ZC3H12B: variants seen among roughly 807,000 people sequenced by gnomAD.
The protein encoded by ZC3H12B is zinc finger CCCH-type containing 12B, also known as probable ribonuclease ZC3H12B.
A neutral mutation model predicts 43.9 loss-of-function variants in ZC3H12B; 7 were observed. The ratio of observed to expected loss-of-function variants is 0.16; its 90% CI spans 0.09 to 0.30. The LOEUF is 0.30. Among genes scored for constraint, ZC3H12B ranks in the 10% least tolerant of loss-of-function variants. The pLI, the probability that ZC3H12B is intolerant of heterozygous loss-of-function variation, is 1.00. For synonymous variants in ZC3H12B, 222 were observed against 241.7 expected (o/e 0.92, Z 0.76); for missense variants, 475 against 670.2 (o/e 0.71, Z 3.22).
At chrX:65,254,017 C>T in the ZC3H12B span, among the ~76,000 whole-genome samples, 1 of 112,175 alleles carries the variant, frequency 8.9e-6, no homozygotes, top group Non-Finnish European at 1.9e-5. Context: ...CCCTGCTGCA[C>T]CACCACTGCC....
At chrX:65,116,882 G>A in the ZC3H12B span, among the ~76,000 whole-genome samples, 1 of 111,576 alleles carries the variant, frequency 9.0e-6, no homozygotes, top group African/African-American at 3.3e-5. Context: ...CTCTGCAAGG[G>A]ACATACTCAT....
At chrX:65,213,888 A>AT in the ZC3H12B span, among the ~76,000 whole-genome samples, 136 of 105,767 alleles carry the variant, frequency 1.3e-3, 1 homozygote, top group Admixed American at 4.3e-3. Flanking sequence ...GTAAAAAAAA[A>AT]ATATATATAT....
chrX:65,394,594 G>C (rs1484223096), intron 2 of ZC3H12B, among the ~76,000 whole-genome samples: 1 of 111,699 alleles, frequency 9.0e-6, no homozygotes, highest in Non-Finnish European at 1.9e-5. Context: ...ATGCTGTTTT[G>C]GTTACTGTAG....
At chrX:65,142,183 G>T in the ZC3H12B span, among the ~76,000 whole-genome samples, 38 of 111,919 alleles carry the variant, frequency 3.4e-4, no homozygotes, top group Non-Finnish European at 5.7e-4. Context: ...ACTATTTTTT[G>T]ATTATAGCCA....
the ZC3H12B span, among the ~76,000 whole-genome samples, chrX:65,277,663 A>T: frequency 1.8e-5 from 2 of 111,810 alleles, no homozygotes; most frequent in Admixed American, 1.9e-4. Context: ...TTTTTGAAAC[A>T]AATGAAAATA....
At chrX:65,142,335 C>T in the ZC3H12B span, among the ~76,000 whole-genome samples, 1 of 111,713 alleles carries the variant, frequency 9.0e-6, no homozygotes, top group South Asian at 3.7e-4. Flanking sequence ...GTCCTTAGCC[C>T]ACTTTTTTAT....
chrX:65,193,778 C>T, the ZC3H12B span, among the ~76,000 whole-genome samples: 1 of 111,343 alleles, frequency 9.0e-6, no homozygotes, highest in Non-Finnish European at 1.9e-5. Flanking sequence ...ATAAGTTTTC[C>T]TCTTAGTGTT....
At chrX:65,270,768 A>G in the ZC3H12B span, 1 of 111,845 alleles carries the variant, frequency 8.9e-6, no homozygotes, top group African/African-American at 3.2e-5. Context: ...TGACTTCTGG[A>G]AGAGTCATGA....
the ZC3H12B span, among the ~76,000 whole-genome samples, chrX:65,267,667 T>C: frequency 3.6e-5 from 4 of 111,627 alleles, no homozygotes; most frequent in East Asian, 8.4e-4. Context: ...ATATCTCTCC[T>C]GTACAACCAG....
chrX:65,280,014 A>G, the ZC3H12B span, among the ~76,000 whole-genome samples: 5 of 112,510 alleles, frequency 4.4e-5, no homozygotes, highest in African/African-American at 1.6e-4. Flanking sequence ...AAATATTCCA[A>G]AAAACTGAAG....
At chrX:65,176,381 C>A in the ZC3H12B span, among the ~76,000 whole-genome samples, 3 of 111,601 alleles carry the variant, frequency 2.7e-5, no homozygotes, top group Admixed American at 9.5e-5. Context: ...AGGCAGGAGC[C>A]CCAATCAGGG....
At chrX:65,119,718 G>T in the ZC3H12B span, among the ~76,000 whole-genome samples, 234 of 111,581 alleles carry the variant, frequency 2.1e-3, no homozygotes, top group Non-Finnish European at 3.3e-3. Flanking sequence ...TGAAGTCCTT[G>T]CCCATGCCTA....
At chrX:65,325,551 C>A in the ZC3H12B span, among the ~76,000 whole-genome samples, 1 of 109,869 alleles carries the variant, frequency 9.1e-6, no homozygotes, top group African/African-American at 3.3e-5. Flanking sequence ...TTAACCAAAG[C>A]AAATGATCTA....
At chrX:65,377,081 A>T (rs964115560) in intron 2 of ZC3H12B, among the ~76,000 whole-genome samples, 2 of 110,024 alleles carry the variant, frequency 1.8e-5, no homozygotes, top group Non-Finnish European at 3.8e-5. Flanking sequence ...AATTAAAAAG[A>T]ATCAAGTAGA....
At chrX:65,099,908 C>T in the ZC3H12B span, among the ~76,000 whole-genome samples, 1 of 111,741 alleles carries the variant, frequency 8.9e-6, no homozygotes, top group Admixed American at 9.5e-5. Context: ...AAGTAGGCTT[C>T]AGAAAGTGGG....
chrX:65,346,174 CA>C, the ZC3H12B span, among the ~76,000 whole-genome samples: 1 of 107,647 alleles, frequency 9.3e-6, no homozygotes, highest in Non-Finnish European at 1.9e-5. Flanking sequence ...CAATGCTAAG[CA>C]AAAAGAACAA....
At chrX:65,402,095 G>T (rs1192191630) in intron 3 of ZC3H12B, among the ~76,000 whole-genome samples, 1 of 111,822 alleles carries the variant, frequency 8.9e-6, no homozygotes, top group African/African-American at 3.3e-5. Context: ...TTCTCTGAAG[G>T]GTAAGTTGCA....
rs775101809 is a variant in ZC3H12B at position 65,474,562 on chromosome X, G to A, written n.408-14084G>A. 9.9e-5 allele frequency among the ~76,000 whole-genome samples: 11 copies of A among 111,055 alleles called. No homozygotes were observed. In the East Asian group the frequency reaches 3.1e-3, roughly 31 times the overall value. On this transcript the variant is annotated intron_variant and non_coding_transcript_variant, in intron 3 of 5. Coordinates refer to the ZC3H12B transcript ENST00000617377. The stretch of plus-strand genomic sequence containing the variant: ...TATTGCTATTTTTTAATTATTTTCT[G>A]TCTATGTTGCAGATGTTTTGTTTCT...
the ZC3H12B span, among the ~76,000 whole-genome samples, chrX:65,171,070 G>A: frequency 1.8e-5 from 2 of 111,753 alleles, no homozygotes; most frequent in South Asian, 7.4e-4. Flanking sequence ...ATCCAGCTTT[G>A]TTCCATTGCT....
Sources: gnomAD v4.1 joint callset for allele counts (sites outside exome capture counted in the v4.1 genomes callset) on GRCh38, gnomAD v4.1.1 for gene constraint, MANE v1.5 for transcripts, NCBI Gene and HGNC (gene_info 2026-07-23, HGNC 2026-07-21) for gene names.